Variants in GFRA1 observed in about 807,000 individuals in gnomAD.
The protein encoded by GFRA1 is GDNF family receptor alpha-1.
In GFRA1, 16 loss-of-function variants were observed where a neutral mutation model predicts 51.6. That is an observed-to-expected ratio of 0.31 (90% CI 0.21 to 0.47). The LOEUF is 0.47. Among genes scored for constraint, GFRA1 ranks in the 20% least tolerant of loss-of-function variants. GFRA1 has a pLI of 1.00. For missense variants in GFRA1, 530 were observed against 594.3 expected (o/e 0.89, Z 1.13); for synonymous variants, 270 against 241.3 (o/e 1.12, Z -1.10).
At chr10:116,126,734 G>A (rs1957893993) in intron 5 of GFRA1, among the ~76,000 whole-genome samples, 1 of 152,152 alleles carries the variant, frequency 6.6e-6, no homozygotes, top group Non-Finnish European at 1.5e-5. Flanking sequence ...TGGATTCTAT[G>A]ACCTCCTTTC....
intron 5 of GFRA1, among the ~76,000 whole-genome samples, chr10:116,170,027 C>T (rs1386765948): frequency 6.6e-6 from 1 of 152,198 alleles, no homozygotes; most frequent in African/African-American, 2.4e-5. Flanking sequence ...CACATGCATG[C>T]ACCACCCACC....
chr10:116,067,849 G>A (rs1301266998), intron 9 of GFRA1, among the ~76,000 whole-genome samples: 1 of 152,164 alleles, frequency 6.6e-6, no homozygotes. Flanking sequence ...TCTTCTACCT[G>A]GAAATGGCAG....
At chr10:116,202,790 C>A (rs7920900) in intron 5 of GFRA1, among the ~76,000 whole-genome samples, 122 of 152,240 alleles carry the variant, frequency 8.0e-4, no homozygotes, top group African/African-American at 2.8e-3. Context: ...CCAGGCCCCT[C>A]CTCCAATTTG....
intron 2 of GFRA1, 39 bp from the exon 3 acceptor site, chr10:116,271,154 G>C (rs758190015): frequency 6.4e-7 from 1 of 1,559,672 alleles, no homozygotes; most frequent in Non-Finnish European, 8.7e-7. Context: ...TGCGGCGGGC[G>C]GGGACCCCGG....
chr10:116,165,242 A>G (rs1356542356), intron 5 of GFRA1, among the ~76,000 whole-genome samples: 1 of 152,186 alleles, frequency 6.6e-6, no homozygotes. Context: ...TCAAAATAGC[A>G]GACACATGGA....
intron 4 of GFRA1, among the ~76,000 whole-genome samples, chr10:116,258,673 G>C (rs4320877): frequency 0.15 from 22,264 of 151,876 alleles, 1,992 homozygotes; most frequent in East Asian, 0.28. Context: ...AGCCTTCCTG[G>C]ATGAGAATGC....
At chr10:116,242,762 A>AT in intron 4 of GFRA1, among the ~76,000 whole-genome samples, 1 of 152,308 alleles carries the variant, frequency 6.6e-6, no homozygotes, top group African/African-American at 2.4e-5. Context: ...GATTACAGGC[A>AT]TAAGGACTGC....
chr10:116,260,554 A>C (rs12774375), intron 4 of GFRA1, among the ~76,000 whole-genome samples: 53,705 of 152,096 alleles, frequency 0.35, 9,595 homozygotes, highest in Non-Finnish European at 0.4. Flanking sequence ...TACTATTTGA[A>C]GAAAGATCGT....
chr10:116,099,628 T>G (rs2133921919), intron 6 of GFRA1, among the ~76,000 whole-genome samples: 1 of 152,320 alleles, frequency 6.6e-6, no homozygotes, highest in East Asian at 1.9e-4. Context: ...AAATTATGCA[T>G]GCAAATGGTC....
rs1175686201 is a variant in GFRA1, at chr10:116,060,702, G to C, written c.*3696C>G. 2.0e-5 allele frequency: 3 copies of C among 152,126 alleles called. No individual in the cohort carries two copies. Among genetic ancestry groups the C allele is most frequent in the Non-Finnish European group, 4.4e-5 (3 of 68,038 alleles). The allele number at this position is 152,126 out of a possible 1,614,324, so 9.4% of individuals were successfully genotyped here. A position where few individuals can be genotyped will look rare whatever the true frequency, so the allele number is the denominator to read the frequency against. On this transcript the variant is annotated 3_prime_UTR_variant, in exon 11 of 11. Coordinates refer to ENST00000355422, the MANE Select transcript of GFRA1 (RefSeq NM_005264.8). ...AGGCAAGAGCAAGACAGATCATGGG[G>C]GTATGAATCCAGGAGGTCATCAACA... is the stretch of plus-strand genomic sequence containing the variant.
chr10:116,191,226 T>A (rs1467359359), intron 5 of GFRA1, among the ~76,000 whole-genome samples: 1 of 152,202 alleles, frequency 6.6e-6, no homozygotes, highest in Non-Finnish European at 1.5e-5. Context: ...AGAACTGTGT[T>A]GAGTGTGCAT....
At chr10:116,190,364 A>G (rs1963139793) in intron 5 of GFRA1, among the ~76,000 whole-genome samples, 2 of 152,060 alleles carry the variant, frequency 1.3e-5, no homozygotes. Context: ...GGATCAACGC[A>G]CTCCACTTGC....
intron 5 of GFRA1, among the ~76,000 whole-genome samples, chr10:116,175,675 TG>T (rs1765783094): frequency 6.6e-6 from 1 of 152,108 alleles, no homozygotes; most frequent in Non-Finnish European, 1.5e-5. Context: ...GGGGAAAGGG[TG>T]ACCTCCCACC....
chr10:116,112,642 C>T (rs891574329), intron 6 of GFRA1, among the ~76,000 whole-genome samples: 1 of 152,184 alleles, frequency 6.6e-6, no homozygotes, highest in African/African-American at 2.4e-5. Context: ...AATCCTTTGG[C>T]ATGCTAGAAA....
chr10:116,117,632 AG>A (rs1256583314), intron 6 of GFRA1, among the ~76,000 whole-genome samples: 2 of 142,848 alleles, frequency 1.4e-5, no homozygotes, highest in Non-Finnish European at 3.1e-5. Flanking sequence ...TAAATGGATG[AG>A]TGGATGGATT....
chr10:116,259,157 T>G (rs1431367737), intron 4 of GFRA1, among the ~76,000 whole-genome samples: 1 of 152,152 alleles, frequency 6.6e-6, no homozygotes, highest in Admixed American at 6.5e-5. Flanking sequence ...TTTCATACAT[T>G]ATTAACTGTA....
chr10:116,274,178 C>T (rs1427252781), upstream of GFRA1, among the ~76,000 whole-genome samples: 3 of 146,192 alleles, frequency 2.1e-5, no homozygotes, highest in Non-Finnish European at 3.0e-5. Flanking sequence ...GCCCCCCACG[C>T]CTGACACACG....
chr10:116,111,546 G>T (rs993649633), intron 6 of GFRA1, among the ~76,000 whole-genome samples: 2 of 152,166 alleles, frequency 1.3e-5, no homozygotes, highest in Non-Finnish European at 2.9e-5. Flanking sequence ...GACCTGGGCT[G>T]CCAGCCCACA....
At chr10:116,094,105 G>A (rs557815499) in intron 7 of GFRA1, among the ~76,000 whole-genome samples, 17 of 152,266 alleles carry the variant, frequency 1.1e-4, no homozygotes, top group South Asian at 2.1e-4. Context: ...TATGGATGTC[G>A]TGGAGTAGGA....
Sources: allele counts gnomAD v4.1 joint callset (sites outside exome capture counted in the v4.1 genomes callset), GRCh38; gene constraint gnomAD v4.1.1; transcripts MANE v1.5; gene names NCBI Gene and HGNC (gene_info 2026-07-23, HGNC 2026-07-21).